The following SLC4A5 variants were observed in gnomAD, a reference collection of about 807,000 sequenced individuals.
The protein encoded by SLC4A5 is electrogenic sodium bicarbonate cotransporter 4.
A neutral mutation model predicts 120.4 loss-of-function variants in SLC4A5; 96 were observed. The observed-to-expected ratio is 0.80, with a 90% CI of 0.68 to 0.94. SLC4A5 has a LOEUF of 0.94. SLC4A5 is among the 40% of genes least tolerant of loss of function. SLC4A5 has a pLI of 0.00. For missense variants in SLC4A5, 1,259 were observed against 1,459.5 expected, an observed-to-expected ratio of 0.86 and a Z score of 2.24; for synonymous variants, 550 against 571.1, an observed-to-expected ratio of 0.96 and a Z score of 0.53.
chr2:74,330,879 AGGTCTAGATGT>A (rs1266625558), intron 4 of SLC4A5, among the ~76,000 whole-genome samples: 865 of 6,086 alleles, frequency 0.14, 5 homozygotes, highest in Non-Finnish European at 0.15. Context: ...GGAGGTGGTG[AGGTCTAGATGT>A]GGGTGGTGAG....
In SLC4A5 at chr2:74,259,579, T is replaced by A. The variant is rs762007254; in HGVS notation, c.867+9A>T. On this transcript the variant is annotated intron_variant, in intron 12 of 30. Coordinates refer to ENST00000394019, the Ensembl canonical transcript of SLC4A5. ...CCTCCATTGCAGCTAAGTGCAGGGGTTTTACTACCTGGTCTGTGTTTGGGG... is the reference window on the plus strand; with the variant it reads ...CCTCCATTGCAGCTAAGTGCAGGGGATTTACTACCTGGTCTGTGTTTGGGG... The A allele has an allele frequency of 6.2e-7, 1 of 1,613,966 alleles. No individual in the cohort carries two copies. The highest frequency in any genetic ancestry group is 1.7e-5 in the Admixed American group (1 of 60,020).
Position 74,224,858 on chromosome 2 carries a change from G to A in SLC4A5, c.3228C>T (p.His1076=), listed in dbSNP as rs143616530. The A allele has an allele frequency of 7.4e-6, 12 of 1,612,432 alleles. No homozygotes were observed. In the East Asian group the frequency reaches 1.1e-4, roughly 15 times the overall value. Reference sequence around the variant, plus strand: ...TCCCCACCTCCTCATCACAGTCCTCGTGGGCCCCTTTTTTTCTCTTCCTCT... The same window carrying A: ...TCCCCACCTCCTCATCACAGTCCTCATGGGCCCCTTTTTTTCTCTTCCTCT... Residue 1076 remains histidine, a synonymous_variant, in exon 28 of 31, where the codon CAC becomes CAT. Transcript: ENST00000394019.
chr2:74,277,249 C>T (rs1243761084), intron 8 of SLC4A5, among the ~76,000 whole-genome samples: 2 of 152,120 alleles, frequency 1.3e-5, no homozygotes, highest in Non-Finnish European at 2.9e-5. Context: ...TCTTGACTCT[C>T]GTGTAAAGTA....
At chr2:74,248,205 G>A (rs998144998) in intron 18 of SLC4A5, 148 bp downstream of exon 18, 43 of 1,086,494 alleles carry the variant, frequency 4.0e-5, no homozygotes, top group Non-Finnish European at 5.5e-5. Flanking sequence ...GAGTCAGGAG[G>A]GGCCACCTGG....
chr2:74,224,072 A>G (rs923343766), intron 28 of SLC4A5, among the ~76,000 whole-genome samples: 3 of 152,272 alleles, frequency 2.0e-5, no homozygotes, highest in Non-Finnish European at 2.9e-5. Context: ...ATTCCTTCTT[A>G]GAAATGTAGC....
chr2:74,259,970 G>A (rs1671084110), intron 11 of SLC4A5, among the ~76,000 whole-genome samples: 1 of 152,188 alleles, frequency 6.6e-6, no homozygotes, highest in African/African-American at 2.4e-5. Flanking sequence ...GCCCGGATAG[G>A]AGGAGGGACA....
intron 6 of SLC4A5, among the ~76,000 whole-genome samples, chr2:74,313,750 C>T (rs528598276): frequency 6.6e-6 from 1 of 152,190 alleles, no homozygotes; most frequent in African/African-American, 2.4e-5. Flanking sequence ...GCAGTAGACA[C>T]TAGCACTTAG....
At chr2:74,290,620 A>AGT (rs1672131823) in intron 7 of SLC4A5, 1 of 846,836 alleles carries the variant, frequency 1.2e-6, no homozygotes, top group Non-Finnish European at 1.4e-6. Context: ...GAGACAGAGA[A>AGT]GTGAGAGAGA....
At chr2:74,305,424 T>C (rs1323720981) in intron 6 of SLC4A5, among the ~76,000 whole-genome samples, 2 of 152,166 alleles carry the variant, frequency 1.3e-5, no homozygotes, top group African/African-American at 4.8e-5. Context: ...GAGTTCAATA[T>C]ACCTACCTCG....
intron 8 of SLC4A5, among the ~76,000 whole-genome samples, chr2:74,283,754 GT>G (rs1671887534): frequency 6.6e-6 from 1 of 151,762 alleles, no homozygotes; most frequent in Non-Finnish European, 1.5e-5. Context: ...GGCAAAAACT[GT>G]TTCTTCGAGG....
chr2:74,337,956 G>A (rs1043511831), intron 3 of SLC4A5, among the ~76,000 whole-genome samples: 1 of 152,212 alleles, frequency 6.6e-6, no homozygotes, highest in Non-Finnish European at 1.5e-5. Flanking sequence ...AGGCTTTCCA[G>A]GCAGGTGTGG....
chr2:74,221,436 TCGGTCAAGTTCTGTG>T, exon 30 of SLC4A5: 1 of 1,610,798 alleles, frequency 6.2e-7, no homozygotes, highest in South Asian at 1.1e-5. Context: ...GTGTTTACCT[TCGGTCAAGTTCTGTG>T]TCACTGAAGG....
In SLC4A5 at chr2:74,232,931, G is replaced by T. The variant is rs377745359; in HGVS notation, c.2596-284C>A. Among the ~76,000 whole-genome samples, 5 of 152,318 alleles carry T rather than the reference G, an allele frequency of 3.3e-5. No individual in the cohort carries two copies. In the East Asian group the frequency reaches 7.7e-4, roughly 23 times the overall value. On this transcript the variant is annotated intron_variant, in intron 23 of 30. Transcript: ENST00000394019. ...GAAGGGCCCAGAAGGTGGCCACAGGGTCTTTGCGGTTCCTGAGGGGCCCCA... is the reference window on the plus strand; with the variant it reads ...GAAGGGCCCAGAAGGTGGCCACAGGTTCTTTGCGGTTCCTGAGGGGCCCCA...
chr2:74,244,586 C>G (rs1340545613), intron 19 of SLC4A5, among the ~76,000 whole-genome samples: 3 of 151,744 alleles, frequency 2.0e-5, no homozygotes, highest in Non-Finnish European at 4.4e-5. Flanking sequence ...TCCTCCTCCT[C>G]CTCCTCCTTG....
chr2:74,233,512 A>G (rs1170473760), exon 23 of SLC4A5: 2 of 1,614,108 alleles, frequency 1.2e-6, no homozygotes, highest in South Asian at 2.2e-5. Flanking sequence ...TATACCCACC[A>G]CGGGTTCTTC....
rs1192866574 is a variant in SLC4A5 at position 74,227,896 on chromosome 2, C to T, written c.2848-18G>A. The T allele has an allele frequency of 3.8e-6, 6 of 1,586,872 alleles. No homozygotes were observed. Among genetic ancestry groups the T allele is most frequent in the Non-Finnish European group, 4.3e-6 (5 of 1,167,144 alleles). ...GGGATACACTAAAATGAGAGCAGAGCTTTGGATCGGCCTCTGCCTGGGGCG... is the reference window on the plus strand; with the variant it reads ...GGGATACACTAAAATGAGAGCAGAGTTTTGGATCGGCCTCTGCCTGGGGCG... On this transcript the variant is annotated intron_variant, in intron 25 of 30. Transcript: ENST00000394019.
chr2:74,341,857 A>T (rs966725753), intron 2 of SLC4A5, among the ~76,000 whole-genome samples: 1 of 152,224 alleles, frequency 6.6e-6, no homozygotes, highest in African/African-American at 2.4e-5. Flanking sequence ...GAGGAAGGCT[A>T]AGACACAAAA....
rs777919130 is a variant in SLC4A5 at position 74,265,092 on chromosome 2, C to T, written c.562+12G>A. The T allele has an allele frequency of 6.2e-7, 1 of 1,608,902 alleles. No individual in the cohort carries two copies. The highest frequency in any genetic ancestry group is 1.7e-5 in the Admixed American group (1 of 59,836). ...ACCACAGGAGAGATGCACACAGTGG[C>T]CCCTGCCTCACCTATGATCTGTGGT... On this transcript the variant is annotated intron_variant, in intron 9 of 30. Coordinates refer to ENST00000394019, the Ensembl canonical transcript of SLC4A5.
chr2:74,218,156 G>T (rs1303080295), exon 31 of SLC4A5: 1 of 152,200 alleles, frequency 6.6e-6, no homozygotes, highest in Non-Finnish European at 1.5e-5. Flanking sequence ...AGGGAGAAAA[G>T]ATAGGACCTT....
Sources: allele counts gnomAD v4.1 joint callset (sites outside exome capture counted in the v4.1 genomes callset), GRCh38; gene constraint gnomAD v4.1.1; transcripts MANE v1.5; gene names NCBI Gene and HGNC (gene_info 2026-07-23, HGNC 2026-07-21).